Variants in MON2 observed in about 807,000 individuals in gnomAD.
MON2 encodes protein MON2 homolog.
Under a neutral mutation model 208.6 loss-of-function variants are expected in MON2, and 84 were observed. The observed-to-expected ratio is 0.40, with a 90% confidence interval of 0.34 to 0.48. The LOEUF (loss-of-function observed/expected upper bound fraction) is 0.48. Ranked by LOEUF, MON2 falls within the 20% of genes least tolerant of loss-of-function variation. The pLI is 0.59. For missense variants in MON2, 1,611 were observed against 2,015.4 expected, an observed-to-expected ratio of 0.80 and a Z score of 3.84; for synonymous variants, 660 against 694.0, an observed-to-expected ratio of 0.95 and a Z score of 0.77.
intron 1 of MON2, among the ~76,000 whole-genome samples, chr12:62,476,531 C>T (rs1346240680): frequency 6.6e-6 from 1 of 151,834 alleles, no homozygotes; most frequent in Non-Finnish European, 1.5e-5. Context: ...GCCTCCCAGG[C>T]TCAAGCGATT....
chr12:62,528,154 T>A (rs1322859364), intron 11 of MON2, among the ~76,000 whole-genome samples: 1 of 152,184 alleles, frequency 6.6e-6, no homozygotes, highest in South Asian at 2.1e-4. Context: ...TTGGGTGTTC[T>A]TTTGTACATG....
intron 8 of MON2, among the ~76,000 whole-genome samples, chr12:62,519,631 G>A (rs2071900210): frequency 6.6e-6 from 1 of 152,102 alleles, no homozygotes; most frequent in Admixed American, 6.5e-5. Flanking sequence ...TGGCTTAATA[G>A]GAGACAGCTG....
chr12:62,533,372 A>G (rs141842217), intron 12 of MON2, among the ~76,000 whole-genome samples: 26 of 152,348 alleles, frequency 1.7e-4, no homozygotes, highest in Middle Eastern at 6.8e-3. Flanking sequence ...TCAGATTGCT[A>G]CTACAAAAGA....
At chr12:62,505,857 C>T (rs181564091) in intron 7 of MON2, among the ~76,000 whole-genome samples, 2 of 152,192 alleles carry the variant, frequency 1.3e-5, no homozygotes, top group East Asian at 3.9e-4. Flanking sequence ...TACCACTGCA[C>T]TCCAGCCCGG....
At chr12:62,505,725 T>TA (rs113734022) in intron 7 of MON2, among the ~76,000 whole-genome samples, 18,633 of 140,190 alleles carry the variant, frequency 0.13, 1,283 homozygotes, top group African/African-American at 0.18. Flanking sequence ...TACGAAAAAT[T>TA]AAAAAAAAAA....
rs144382308 is a variant in MON2 at position 62,515,003 on chromosome 12, G to A, written c.984+6523G>A. Among the ~76,000 whole-genome samples the A allele has an allele frequency of 4.3e-3, 656 of 152,328 alleles. 7 individuals carry two copies. The highest frequency in any genetic ancestry group is 0.015 in the African/African-American group (623 of 41,576). On this transcript the variant is annotated intron_variant, in intron 8 of 34. Coordinates refer to ENST00000393630, the MANE Select transcript of MON2 (RefSeq NM_015026.3). ...GAAAATAACAAGTGTTGGCAAGGAT[G>A]TGGAGAAAATTGGAACCCTTGTGCA... is the stretch of plus-strand genomic sequence containing the variant.
intron 34 of MON2, among the ~76,000 whole-genome samples, chr12:62,589,968 T>G (rs1011671564): frequency 6.6e-6 from 1 of 152,190 alleles, no homozygotes; most frequent in Non-Finnish European, 1.5e-5. Flanking sequence ...TATAAGATGA[T>G]ATAACATTTT....
In MON2 at chr12:62,508,398, C is replaced by A. The variant is rs2071216408; in HGVS notation, c.902C>A (p.Pro301Gln). 7 of 1,614,032 alleles carry A rather than the reference C, an allele frequency of 4.3e-6. No homozygotes were observed. In the African/African-American group the frequency reaches 8.0e-5, roughly 18 times the overall value. Residue 301 changes from proline (P) to glutamine (Q), a missense_variant, in exon 8 of 35, where the codon CCA becomes CAA. By Grantham distance (76) the Pro-to-Gln change is moderately conservative. Coordinates refer to ENST00000393630, the MANE Select transcript of MON2 (RefSeq NM_015026.3). ...QGSSTSSSPA[P>Q]VEKPYFPICM... ...TCCAGCACCTCATCTTCTCCAGCAC[C>A]AGTTGAAAAACCATATTTTCCTATC...
chr12:62,535,192 AATTATG>A (rs746125149), intron 13 of MON2, among the ~76,000 whole-genome samples: 1 of 152,268 alleles, frequency 6.6e-6, no homozygotes, highest in South Asian at 2.1e-4. Flanking sequence ...CTACTTTTGC[AATTATG>A]ATTATATTTA....
At chr12:62,550,909 CTTTT>C (rs869160726) in intron 23 of MON2, among the ~76,000 whole-genome samples, 111 of 43,800 alleles carry the variant, frequency 2.5e-3, no homozygotes, top group Non-Finnish European at 3.7e-3. Context: ...TTCTTTCTTT[CTTTT>C]TTTTTTTTTT....
chr12:62,484,543 A>G (rs2069645829), intron 2 of MON2, among the ~76,000 whole-genome samples: 1 of 152,202 alleles, frequency 6.6e-6, no homozygotes, highest in Admixed American at 6.5e-5. Context: ...GAGACACACC[A>G]TAAAAAGCAT....
chr12:62,489,697 C>A (rs1422358142), intron 2 of MON2, among the ~76,000 whole-genome samples: 1 of 151,906 alleles, frequency 6.6e-6, no homozygotes, highest in Non-Finnish European at 1.5e-5. Context: ...CCAATTGAAC[C>A]AACATCATTT....
intron 29 of MON2, among the ~76,000 whole-genome samples, chr12:62,566,753 G>A: frequency 7.8e-6 from 1 of 128,290 alleles, no homozygotes; most frequent in Non-Finnish European, 1.6e-5. Context: ...GGGGGGAGGG[G>A]GAGGGATAGC....
In MON2 at chr12:62,535,704, A is replaced by C; in HGVS notation, c.1895A>C (p.Asn632Thr). Residue 632 changes from asparagine to threonine, a missense_variant, in exon 14 of 35, where the codon AAC (asparagine) becomes ACC (threonine). Asn to Thr is a moderately conservative substitution (Grantham distance 65). Transcript: ENST00000393630. ...LNTTTAATLS[N>T]KSYSVQGQSV... ...ACCACCACTGCAGCTACACTTTCCA[A>C]CAAATGTAAGACAGGCTTACTCAAA... is the stretch of plus-strand genomic sequence containing the variant. The C allele has an allele frequency of 6.2e-7, 1 of 1,608,180 alleles. No individual in the cohort carries two copies.
At chr12:62,574,187 T>G (rs1285819807) in intron 30 of MON2, among the ~76,000 whole-genome samples, 2 of 152,226 alleles carry the variant, frequency 1.3e-5, no homozygotes, top group East Asian at 3.8e-4. Flanking sequence ...GAATAGCACC[T>G]GGCATGTAAG....
intron 4 of MON2, among the ~76,000 whole-genome samples, chr12:62,495,551 G>T (rs369655760): frequency 1.3e-5 from 2 of 151,968 alleles, no homozygotes; most frequent in South Asian, 4.2e-4. Context: ...TTAGCCAGGT[G>T]TAGTGGCGGG....
In MON2 at chr12:62,595,263, A is replaced by C. The variant is rs1158549502; in HGVS notation, c.*2514A>C. On this transcript the variant is annotated 3_prime_UTR_variant, in exon 35 of 35. Transcript: ENST00000393630. ...GGGTTCAAGCAGTTTCCTGCTTCAG[A>C]CTTCCAAGTAGCTGGGATTACAGAC... 6.6e-6 allele frequency: 1 copy of C among 151,712 alleles called. No individual in the cohort carries two copies. The highest frequency in any genetic ancestry group is 2.4e-5 in the African/African-American group (1 of 41,228). The allele number at this position is 151,712 out of a possible 1,614,324, so 9.4% of individuals were successfully genotyped here.
chr12:62,516,658 T>G (rs1434067521), intron 8 of MON2, among the ~76,000 whole-genome samples: 1 of 152,104 alleles, frequency 6.6e-6, no homozygotes, highest in Non-Finnish European at 1.5e-5. Flanking sequence ...GAGCCAAGAT[T>G]GTGCGATTGC....
chr12:62,487,610 A>G (rs757472216), intron 2 of MON2, among the ~76,000 whole-genome samples: 5 of 151,900 alleles, frequency 3.3e-5, no homozygotes, highest in Non-Finnish European at 7.4e-5. Context: ...ATGAGTAAAT[A>G]TACTTTGGAA....
Sources: gnomAD v4.1 joint callset for allele counts (sites outside exome capture counted in the v4.1 genomes callset) on GRCh38, gnomAD v4.1.1 for gene constraint, MANE v1.5 for transcripts, NCBI Gene and HGNC (gene_info 2026-07-23, HGNC 2026-07-21) for gene names.